The following WDPCP variants were observed in gnomAD, a reference collection of about 807,000 sequenced individuals.
The protein encoded by WDPCP is WD repeat-containing and planar cell polarity effector protein fritz homolog.
WDPCP carries 71 observed loss-of-function variants against 93.1 expected under a neutral mutation model. The ratio of observed to expected loss-of-function variants is 0.76; its 90% CI spans 0.63 to 0.93. The LOEUF (loss-of-function observed/expected upper bound fraction) is 0.93, where lower values mean the gene tolerates loss of function less well. Among genes scored for constraint, WDPCP ranks in the 40% least tolerant of loss-of-function variants. The probability of loss-of-function intolerance (pLI) is 0.00; values close to 1 mark genes in which losing one functional copy is unlikely to be tolerated. For missense variants in WDPCP, 844 were observed against 887.4 expected (o/e 0.95, Z 0.62); for synonymous variants, 315 against 315.0 (o/e 1.00, Z 0.00).
chr2:63,480,989 T>C (rs1183647265), intron 6 of WDPCP, among the ~76,000 whole-genome samples: 2 of 151,880 alleles, frequency 1.3e-5, no homozygotes, highest in South Asian at 2.1e-4. Flanking sequence ...TCTATACATC[T>C]GACAAAGGAC....
At chr2:63,747,226 G>A (rs561080703) in intron 2 of WDPCP, among the ~76,000 whole-genome samples, 2 of 152,138 alleles carry the variant, frequency 1.3e-5, no homozygotes, top group Admixed American at 6.5e-5. Context: ...CTACTAATTT[G>A]TAACTTGTCT....
At chr2:63,314,654 TC>T (rs1474947500) in intron 12 of WDPCP, among the ~76,000 whole-genome samples, 1 of 152,082 alleles carries the variant, frequency 6.6e-6, no homozygotes, top group African/African-American at 2.4e-5. Flanking sequence ...TTTCTCTGCC[TC>T]CCCATGAAAT....
intron 17 of WDPCP, among the ~76,000 whole-genome samples, chr2:63,128,327 C>G (rs1315456987): frequency 1.3e-5 from 2 of 152,168 alleles, no homozygotes; most frequent in South Asian, 4.2e-4. Flanking sequence ...AAGATAACCT[C>G]TAAATTTACC....
intron 2 of WDPCP, among the ~76,000 whole-genome samples, chr2:63,673,277 T>C (rs1303714900): frequency 6.6e-6 from 1 of 151,970 alleles, no homozygotes; most frequent in African/African-American, 2.4e-5. Context: ...TGGGATTAGA[T>C]AGATACACAG....
At chr2:63,740,961 A>C (rs1004094421) in intron 2 of WDPCP, among the ~76,000 whole-genome samples, 1 of 152,068 alleles carries the variant, frequency 6.6e-6, no homozygotes, top group Non-Finnish European at 1.5e-5. Flanking sequence ...TGGCACATCT[A>C]TTTTGTGAAA....
intron 13 of WDPCP, among the ~76,000 whole-genome samples, chr2:63,284,282 C>A (rs1296677476): frequency 6.6e-6 from 1 of 150,782 alleles, no homozygotes; most frequent in Non-Finnish European, 1.5e-5. Flanking sequence ...ATAAAGTAGT[C>A]CCCCCTTACC....
chr2:63,212,814 G>A (rs1340160315), intron 14 of WDPCP, among the ~76,000 whole-genome samples: 17 of 151,712 alleles, frequency 1.1e-4, no homozygotes, highest in African/African-American at 3.6e-4. Flanking sequence ...AAAAGCAGGG[G>A]TTGCAATCCT....
At chr2:63,656,071 G>A (rs1710162776) in intron 2 of WDPCP, among the ~76,000 whole-genome samples, 1 of 152,194 alleles carries the variant, frequency 6.6e-6, no homozygotes, top group Admixed American at 6.5e-5. Flanking sequence ...AAGCCCTGTG[G>A]GGAATTGGCT....
intron 13 of WDPCP, among the ~76,000 whole-genome samples, chr2:63,274,306 A>C (rs541198361): frequency 6.6e-6 from 1 of 152,272 alleles, no homozygotes; most frequent in East Asian, 1.9e-4. Context: ...TGAAAATGGA[A>C]ATACAACATA....
chr2:63,280,500 A>G (rs1683453230), intron 13 of WDPCP, among the ~76,000 whole-genome samples: 1 of 152,168 alleles, frequency 6.6e-6, no homozygotes, highest in African/African-American at 2.4e-5. Flanking sequence ...CAGCCAAACC[A>G]TATCAAGCCC....
At chr2:63,625,954 T>G (rs980979367) in intron 3 of WDPCP, among the ~76,000 whole-genome samples, 1 of 152,184 alleles carries the variant, frequency 6.6e-6, no homozygotes, top group African/African-American at 2.4e-5. Flanking sequence ...AAGGCTACAG[T>G]AACCAAAACA....
Position 63,628,213 on chromosome 2 carries a change from G to C in WDPCP, n.488+22446C>G, listed in dbSNP as rs118110045. Among the ~76,000 whole-genome samples the C allele has an allele frequency of 6.7e-4, 102 of 152,140 alleles. 1 individual carries two copies. In the East Asian group the frequency reaches 0.018, roughly 27 times the overall value. ...TATATAGTCTATATACCAGCTTTCT[G>C]CTCTACAAAATAGGATAATGGTAAC... On this transcript the variant is annotated intron_variant and non_coding_transcript_variant, in intron 3 of 4. Coordinates refer to the WDPCP transcript ENST00000467687.
At chr2:63,722,464 T>A (rs1355608506) in intron 2 of WDPCP, among the ~76,000 whole-genome samples, 8 of 134,580 alleles carry the variant, frequency 5.9e-5, no homozygotes, top group South Asian at 2.6e-4. Flanking sequence ...GGCCGCCCCG[T>A]CTGAGAAGTG....
chr2:63,588,449 G>A lies in WDPCP; in HGVS notation c.-178C>T. 1 of 722,628 alleles carries A rather than the reference G, an allele frequency of 1.4e-6. No individual in the cohort carries two copies. The highest frequency in any genetic ancestry group is 2.5e-6 in the Non-Finnish European group (1 of 400,382). The allele number at this position is 722,628 out of a possible 1,614,324, so 44.8% of individuals were successfully genotyped here. On this transcript the variant is annotated 5_prime_UTR_variant, in exon 1 of 18. Coordinates refer to ENST00000272321, the MANE Select transcript of WDPCP (RefSeq NM_015910.7). The stretch of plus-strand genomic sequence containing the variant: ...CTCCCGCCTCGTCGCTTAGCAACCT[G>A]AGAAGCTGTCCGGTCGTCCCAACTT...
intron 1 of WDPCP, among the ~76,000 whole-genome samples, chr2:63,546,515 G>A (rs1705163575): frequency 6.6e-6 from 1 of 152,166 alleles, no homozygotes; most frequent in Admixed American, 6.5e-5. Context: ...AGGGGATTCT[G>A]TACCTGAGAC....
intron 2 of WDPCP, among the ~76,000 whole-genome samples, chr2:63,685,559 G>T (rs909073158): frequency 1.7e-4 from 26 of 152,138 alleles, no homozygotes; most frequent in African/African-American, 5.6e-4. Context: ...TGTTCAAACT[G>T]TTCCATAAAA....
At chr2:63,123,178 C>T (rs922098233) in intron 17 of WDPCP, among the ~76,000 whole-genome samples, 2 of 152,020 alleles carry the variant, frequency 1.3e-5, no homozygotes, top group African/African-American at 4.8e-5. Context: ...AAACTAAGCA[C>T]TGTCATTTTT....
At chr2:63,242,048 G>GA (rs1023214382) in intron 14 of WDPCP, among the ~76,000 whole-genome samples, 22 of 152,014 alleles carry the variant, frequency 1.4e-4, no homozygotes, top group African/African-American at 5.1e-4. Flanking sequence ...TATATGCATA[G>GA]AAAAAAGGGA....
chr2:63,481,854 TA>T (rs1489675657), intron 6 of WDPCP, among the ~76,000 whole-genome samples: 1 of 151,630 alleles, frequency 6.6e-6, no homozygotes, highest in African/African-American at 2.4e-5. Flanking sequence ...CTTATTCATG[TA>T]ACCAAACACC....
Sources: allele counts gnomAD v4.1 joint callset (sites outside exome capture counted in the v4.1 genomes callset), GRCh38; gene constraint gnomAD v4.1.1; transcripts MANE v1.5; gene names NCBI Gene and HGNC (gene_info 2026-07-23, HGNC 2026-07-21).